THBS4: variants seen among roughly 807,000 people sequenced by gnomAD.
THBS4 encodes thrombospondin-4.
THBS4 carries 90 observed loss-of-function variants against 115.7 expected under a neutral mutation model. The ratio of observed to expected loss-of-function variants is 0.78; its 90% CI spans 0.66 to 0.93. The LOEUF (loss-of-function observed/expected upper bound fraction) is 0.93. THBS4 is among the 40% of genes least tolerant of loss of function. THBS4 has a pLI of 0.00. For missense variants in THBS4, 1,087 were observed against 1,232.7 expected (o/e 0.88, Z 1.77); for synonymous variants, 460 against 479.3 (o/e 0.96, Z 0.53).
At chr5:80,030,394 G>A (rs1250601426), upstream of THBS4, among the ~76,000 whole-genome samples, 2 of 151,894 alleles carry the variant, frequency 1.3e-5, no homozygotes, top group Non-Finnish European at 2.9e-5. Context: ...TTGAGACAGA[G>A]TCTCACACTG....
At chr5:80,036,481 A>C (rs991978591) in intron 1 of THBS4, among the ~76,000 whole-genome samples, 1 of 152,236 alleles carries the variant, frequency 6.6e-6, no homozygotes, top group African/African-American at 2.4e-5. Flanking sequence ...CCCATGTAAC[A>C]AACTTGCACA....
chr5:80,004,599 G>A (rs1208077074), intron 2 of THBS4, among the ~76,000 whole-genome samples: 1 of 152,060 alleles, frequency 6.6e-6, no homozygotes, highest in Non-Finnish European at 1.5e-5. Flanking sequence ...CTAGAGCAAA[G>A]CCACAACTTT....
intron 2 of THBS4, among the ~76,000 whole-genome samples, chr5:80,021,719 G>A (rs1217054011): frequency 6.6e-6 from 1 of 152,136 alleles, no homozygotes. Flanking sequence ...CGGGGTCTGT[G>A]TTGCCCTGAC....
intron 11 of THBS4, 69 bp downstream of exon 11, chr5:80,070,479 A>G: frequency 6.7e-7 from 1 of 1,494,736 alleles, no homozygotes; most frequent in African/African-American, 1.4e-5. Context: ...TTCTATGGGG[A>G]GAGGTTCTGT....
chr5:80,067,679 C>A, intron 9 of THBS4: 1 of 265,518 alleles, frequency 3.8e-6, no homozygotes, highest in Non-Finnish European at 7.2e-6. Flanking sequence ...GACCTGTCCC[C>A]TATGCCCTCC....
At chr5:80,016,265 AC>A (rs1832247860) in intron 2 of THBS4, among the ~76,000 whole-genome samples, 1 of 152,154 alleles carries the variant, frequency 6.6e-6, no homozygotes, top group Non-Finnish European at 1.5e-5. Context: ...TACTGTTTTG[AC>A]CGATTATATG....
chr5:80,038,111 T>C (rs936583064), intron 1 of THBS4, among the ~76,000 whole-genome samples: 3 of 152,114 alleles, frequency 2.0e-5, no homozygotes, highest in Non-Finnish European at 2.9e-5. Flanking sequence ...TTCATTCTTA[T>C]TACAAAAGCA....
chr5:80,027,407 A>G (rs940784483), intron 2 of THBS4, among the ~76,000 whole-genome samples: 5 of 152,326 alleles, frequency 3.3e-5, no homozygotes, highest in South Asian at 2.1e-4. Flanking sequence ...GAATTGGTCC[A>G]CAGGCATAAC....
intron 9 of THBS4, chr5:80,066,239 A>C (rs1833820299): frequency 6.6e-6 from 1 of 152,286 alleles, no homozygotes; most frequent in East Asian, 1.9e-4. Flanking sequence ...AAGATGAGAG[A>C]TGTACCAGAG....
intron 20 of THBS4, among the ~76,000 whole-genome samples, chr5:80,080,647 C>T (rs976607324): frequency 7.6e-5 from 10 of 132,264 alleles, no homozygotes; most frequent in Admixed American, 4.5e-4. Context: ...AGTACTGTGG[C>T]GTGATCTCAG....
Position 80,059,747 on chromosome 5 carries a change from C to G in THBS4, c.829C>G (p.Pro277Ala). ...TCCGACCCCAAGCACGGTGGTGCCC[C>G]CGGCTCCCCCTGCACCGCCAACACG... ...QSPTPSTVVP[P>A]APPAPPTRPP... The change falls in exon 7 of 22, where the codon CCG becomes GCG. Residue 277 changes from proline to alanine, a missense_variant. Physicochemically the swap from Pro to Ala is conservative, Grantham distance 27. This residue lies in a region of THBS4 where 979 missense variants were observed against 1,103.7 expected (regional missense o/e 0.89). Transcript: ENST00000350881. 6.2e-7 allele frequency: 1 copy of G among 1,614,164 alleles called. No individual in the cohort carries two copies. Among genetic ancestry groups the G allele is most frequent in the South Asian group, 1.1e-5 (1 of 91,090 alleles).
chr5:80,048,415 A>T (rs1833143507), intron 2 of THBS4, among the ~76,000 whole-genome samples: 1 of 152,202 alleles, frequency 6.6e-6, no homozygotes, highest in Non-Finnish European at 1.5e-5. Context: ...TATAATGCTA[A>T]TATTTTGTCA....
intron 2 of THBS4, among the ~76,000 whole-genome samples, chr5:80,014,362 A>G (rs906484986): frequency 1.2e-4 from 19 of 152,300 alleles, no homozygotes; most frequent in African/African-American, 3.4e-4. Context: ...CTGGTTCCCA[A>G]CAGAGGTACT....
rs188344249 is a variant in THBS4, at chr5:80,062,837, A to G, written c.1125+1005A>G. ...GCTCAGAATGATGGTTTCTAGCTTCATCCATGTCCCTACAAAGGACATGAA... is the reference window on the plus strand; with the variant it reads ...GCTCAGAATGATGGTTTCTAGCTTCGTCCATGTCCCTACAAAGGACATGAA... On this transcript the variant is annotated intron_variant, in intron 8 of 21. Transcript: ENST00000350881. 6.6e-5 allele frequency among the ~76,000 whole-genome samples: 10 copies of G among 152,296 alleles called. No individual in the cohort carries two copies. In the East Asian group the frequency reaches 1.9e-3, roughly 29 times the overall value.
intron 8 of THBS4, 145 bp from the exon 9 acceptor site, chr5:80,065,264 T>C: frequency 1.6e-6 from 1 of 625,004 alleles, no homozygotes; most frequent in Non-Finnish European, 2.8e-6. Flanking sequence ...GCAAGGGAGA[T>C]GGCACAAATA....
At chr5:80,047,514 A>G (rs966010902) in intron 2 of THBS4, among the ~76,000 whole-genome samples, 1 of 152,248 alleles carries the variant, frequency 6.6e-6, no homozygotes, top group African/African-American at 2.4e-5. Context: ...GCCTTACAAT[A>G]TTTGAAAAAA....
chr5:80,047,153 A>C (rs1002814335), intron 2 of THBS4, among the ~76,000 whole-genome samples: 1 of 152,216 alleles, frequency 6.6e-6, no homozygotes, highest in African/African-American at 2.4e-5. Flanking sequence ...GAATGAACAG[A>C]TACTGTGATG....
At chr5:80,081,598 G>GCAATGTAA (rs974420814) in intron 20 of THBS4, among the ~76,000 whole-genome samples, 111 of 152,282 alleles carry the variant, frequency 7.3e-4, no homozygotes, top group African/African-American at 2.6e-3. Context: ...GTTGATGACA[G>GCAATGTAA]CAATGTAAAT....
chr5:80,081,280 A>T (rs960402214), intron 20 of THBS4, among the ~76,000 whole-genome samples: 2 of 152,190 alleles, frequency 1.3e-5, no homozygotes, highest in South Asian at 2.1e-4. Context: ...TGAGATGATC[A>T]TGTTCTCAGC....
Sources: gnomAD v4.1 joint callset for allele counts (sites outside exome capture counted in the v4.1 genomes callset) on GRCh38, gnomAD v4.1.1 for gene constraint, gnomAD v4.1.1 regional missense constraint, MANE v1.5 for transcripts, NCBI Gene and HGNC (gene_info 2026-07-23, HGNC 2026-07-21) for gene names.